The following CNDP1 variants were observed in gnomAD, a reference collection of about 807,000 sequenced individuals.
The protein encoded by CNDP1 is carnosine dipeptidase 1.
A neutral mutation model predicts 58.1 loss-of-function variants in CNDP1; 44 were observed. The ratio of observed to expected loss-of-function variants is 0.76; its 90% CI spans 0.60 to 0.97. CNDP1 has a LOEUF of 0.97. Ranked by LOEUF, CNDP1 falls within the 50% of genes least tolerant of loss-of-function variation. The pLI is 0.00. For missense variants in CNDP1, 616 were observed against 655.1 expected (o/e 0.94, Z 0.65); for synonymous variants, 254 against 252.6 (o/e 1.01, Z -0.05).
At chr18:74,540,717 G>A (rs1450033141) in intron 1 of CNDP1, among the ~76,000 whole-genome samples, 1 of 152,222 alleles carries the variant, frequency 6.6e-6, no homozygotes, top group Non-Finnish European at 1.5e-5. Flanking sequence ...TGCAGCTACA[G>A]TAGCTCTGCC....
chr18:74,565,182 C>A (rs1268769616), intron 5 of CNDP1, among the ~76,000 whole-genome samples: 1 of 152,186 alleles, frequency 6.6e-6, no homozygotes, highest in Non-Finnish European at 1.5e-5. Context: ...CTCCATGATT[C>A]AATTACCTCC....
chr18:74,567,195 G>C (rs751437775), intron 5 of CNDP1, 38 bp from the exon 6 acceptor site: 19 of 1,548,092 alleles, frequency 1.2e-5, no homozygotes, highest in Non-Finnish European at 1.7e-5. Flanking sequence ...AACCACATCA[G>C]GCAACTTGTG....
At chr18:74,577,056 T>C (rs1278511991) in intron 8 of CNDP1, 27 bp downstream of exon 8, 1 of 1,589,548 alleles carries the variant, frequency 6.3e-7, no homozygotes. Context: ...ATGGATAAGC[T>C]GGAAGAGGCA....
chr18:74,556,198 C>T, intron 1 of CNDP1, 140 bp from the exon 2 acceptor site: 1 of 867,130 alleles, frequency 1.2e-6, no homozygotes. Context: ...ATGTTTGGTT[C>T]TACCGCCTTG....
At chr18:74,575,022 G>A (rs929682266) in intron 7 of CNDP1, among the ~76,000 whole-genome samples, 1 of 146,854 alleles carries the variant, frequency 6.8e-6, no homozygotes, top group African/African-American at 2.5e-5. Context: ...GGGAAGGAAA[G>A]GAAGGGAGGG....
At chr18:74,544,546 A>G (rs557509517) in intron 1 of CNDP1, among the ~76,000 whole-genome samples, 1 of 152,082 alleles carries the variant, frequency 6.6e-6, no homozygotes, top group South Asian at 2.1e-4. Context: ...GTGAAACCCC[A>G]TCTCTACTAA....
intron 7 of CNDP1, among the ~76,000 whole-genome samples, chr18:74,573,546 C>T (rs1260254978): frequency 6.6e-6 from 1 of 152,188 alleles, no homozygotes; most frequent in Non-Finnish European, 1.5e-5. Context: ...CCATGCTTGA[C>T]AATTCAGACG....
At chr18:74,571,664 C>G (rs1472480630) in intron 7 of CNDP1, among the ~76,000 whole-genome samples, 1 of 152,172 alleles carries the variant, frequency 6.6e-6, no homozygotes, top group Admixed American at 6.5e-5. Flanking sequence ...TTCAGTAGAC[C>G]TGGCATGACT....
At chr18:74,548,154 G>A (rs1278963886) in intron 1 of CNDP1, among the ~76,000 whole-genome samples, 2 of 152,070 alleles carry the variant, frequency 1.3e-5, no homozygotes, top group African/African-American at 2.4e-5. Context: ...ATAACCTTTC[G>A]ACATCCCTAG....
intron 11 of CNDP1, 65 bp downstream of exon 11, chr18:74,583,773 C>T (rs759353549): frequency 2.0e-6 from 3 of 1,487,224 alleles, no homozygotes; most frequent in African/African-American, 2.8e-5. Context: ...CGGGTCTACA[C>T]GTGGGTGAGC....
At chr18:74,539,435 C>G (rs939615511) in intron 1 of CNDP1, among the ~76,000 whole-genome samples, 1 of 152,210 alleles carries the variant, frequency 6.6e-6, no homozygotes, top group Admixed American at 6.5e-5. Context: ...CGGAGGCTTC[C>G]TCATCTCTCA....
At chr18:74,570,332 C>T (rs1010877336) in intron 6 of CNDP1, among the ~76,000 whole-genome samples, 2 of 151,906 alleles carry the variant, frequency 1.3e-5, no homozygotes, top group South Asian at 2.1e-4. Context: ...CTGGCTTGGC[C>T]CGGGTGGTCC....
At position 74,586,863 on chromosome 18, in the gene CNDP1, G is replaced by A. The variant is rs971439062; in HGVS notation, c.*2301G>A. The A allele has an allele frequency of 2.0e-5, 3 of 152,172 alleles. No homozygotes were observed. Among genetic ancestry groups the A allele is most frequent in the African/African-American group, 4.8e-5 (2 of 41,430 alleles). The allele number at this position is 152,172 out of a possible 1,614,324, so 9.4% of individuals were successfully genotyped here. ...AGGGATAAAAGAAAGCTACTCAGTT[G>A]TTATTCAGATATATTAACCAGCCAT... On this transcript the variant is annotated 3_prime_UTR_variant, in exon 12 of 12. Transcript: ENST00000358821.
intron 7 of CNDP1, among the ~76,000 whole-genome samples, chr18:74,573,116 T>C (rs1157008652): frequency 6.6e-6 from 1 of 152,152 alleles, no homozygotes; most frequent in Non-Finnish European, 1.5e-5. Context: ...ATCTTTCTAT[T>C]CATCCATCCA....
In CNDP1 at chr18:74,534,682, C is replaced by T. The variant is rs1980440207; in HGVS notation, c.15C>T (p.Leu5=). The change falls in exon 1 of 12, where the codon CTC becomes CTT. Residue 5 remains leucine (L), a synonymous_variant. Transcript: ENST00000358821. ...ACTCCAGCCTAATGGATCCCAAACTCGGGAGAATGGTGAGTAGGACCTCCT... is the reference window on the plus strand; with the variant it reads ...ACTCCAGCCTAATGGATCCCAAACTTGGGAGAATGGTGAGTAGGACCTCCT... The part of the protein sequence containing the change: MDPK[L]GRMAASLLAV... 3 of 1,614,080 alleles carry T rather than the reference C, an allele frequency of 1.9e-6. No homozygotes were observed. The highest frequency in any genetic ancestry group is 2.5e-6 in the Non-Finnish European group (3 of 1,180,002).
At chr18:74,573,431 A>ATTCATCCATTCATCCAT (rs565156580) in intron 7 of CNDP1, among the ~76,000 whole-genome samples, 1 of 141,768 alleles carries the variant, frequency 7.1e-6, no homozygotes, top group African/African-American at 2.7e-5. Context: ...CATCCATCCA[A>ATTCATCCATTCATCCAT]CTATCTATCT....
chr18:74,581,218 C>CTGTGTGTGTGTG lies in CNDP1; in HGVS notation c.1309+981_1309+992dup, dbSNP rs56269857. Among the ~76,000 whole-genome samples, 613 of 138,482 alleles carry CTGTGTGTGTGTG rather than the reference C, an allele frequency of 4.4e-3. 5 individuals carry two copies. Among genetic ancestry groups the CTGTGTGTGTGTG allele is most frequent in the Middle Eastern group, 0.016 (4 of 258 alleles). The allele number at this position is 138,482 out of a possible 152,430, so 90.8% of individuals were successfully genotyped here. A position where few individuals can be genotyped will look rare whatever the true frequency, so the allele number is the denominator to read the frequency against. On this transcript the variant is annotated intron_variant, in intron 10 of 11. Transcript: ENST00000358821. ...GCATCCCCGGAGAGCCACACCTATC[C>CTGTGTGTGTGTG]TGTGTGTGTGTGTGTGTGTGTGTGT... is the stretch of plus-strand genomic sequence containing the variant.
At chr18:74,551,778 T>C (rs1368107454) in intron 1 of CNDP1, among the ~76,000 whole-genome samples, 2 of 152,332 alleles carry the variant, frequency 1.3e-5, no homozygotes, top group Non-Finnish European at 2.9e-5. Flanking sequence ...CTGCAGCTTA[T>C]TTCCTTCTTC....
Position 74,561,034 on chromosome 18 carries a change from G to A in CNDP1, c.466+16G>A, listed in dbSNP as rs4329999. ...GAGGTAGACGGTCAGTGAGGCGCCC[G>A]GGCTACAGTGCGGTGCTGCTGTGCT... On this transcript the variant is annotated intron_variant, in intron 4 of 11. Coordinates refer to ENST00000358821, the MANE Select transcript of CNDP1 (RefSeq NM_032649.6). 0.27 allele frequency: 435,778 copies of A among 1,607,108 alleles called. 63,401 individuals are homozygous for A. The highest frequency in any genetic ancestry group is 0.49 in the East Asian group (21,801 of 44,648).
Sources: gnomAD v4.1 joint callset for allele counts (sites outside exome capture counted in the v4.1 genomes callset) on GRCh38, gnomAD v4.1.1 for gene constraint, MANE v1.5 for transcripts, NCBI Gene and HGNC (gene_info 2026-07-23, HGNC 2026-07-21) for gene names.